PLCB1: variants seen among roughly 807,000 people sequenced by gnomAD.
PLCB1 encodes the protein phospholipase C beta 1.
In PLCB1, 46 loss-of-function variants were observed where a neutral mutation model predicts 161.8. The observed-to-expected ratio is 0.28, with a 90% confidence interval of 0.22 to 0.36. PLCB1 has a LOEUF of 0.36. Ranked by LOEUF, PLCB1 falls within the 10% of genes least tolerant of loss-of-function variation. PLCB1 has a pLI of 1.00. For synonymous variants in PLCB1, 517 were observed against 503.7 expected, an observed-to-expected ratio of 1.03 and a Z score of -0.35; for missense variants, 1,016 against 1,472.5, an observed-to-expected ratio of 0.69 and a Z score of 5.07.
intron 3 of PLCB1, among the ~76,000 whole-genome samples, chr20:8,400,334 A>G (rs775261738): frequency 6.6e-6 from 1 of 152,130 alleles, no homozygotes; most frequent in Non-Finnish European, 1.5e-5. Context: ...TTTTCTTACC[A>G]CTGATTACCA....
chr20:8,860,315 A>C (rs1440958506), intron 31 of PLCB1, among the ~76,000 whole-genome samples: 2 of 152,236 alleles, frequency 1.3e-5, no homozygotes, highest in Admixed American at 6.5e-5. Flanking sequence ...ACTGGCAATA[A>C]GTTCATTTCC....
At chr20:8,317,640 A>AC (rs1032987872) in intron 2 of PLCB1, among the ~76,000 whole-genome samples, 32 of 152,072 alleles carry the variant, frequency 2.1e-4, no homozygotes, top group African/African-American at 7.0e-4. Flanking sequence ...CCCAGTTTTG[A>AC]CCAGAATTGA....
intron 2 of PLCB1, among the ~76,000 whole-genome samples, chr20:8,198,313 G>T (rs566423133): frequency 6.6e-6 from 1 of 152,088 alleles, no homozygotes; most frequent in Admixed American, 6.6e-5. Flanking sequence ...TCTTCCATTT[G>T]TTTGTGTCCT....
chr20:8,863,126 C>T (rs1161759708), intron 31 of PLCB1, among the ~76,000 whole-genome samples: 2 of 152,144 alleles, frequency 1.3e-5, no homozygotes, highest in Non-Finnish European at 2.9e-5. Context: ...AGAAAGCAAG[C>T]TGTTGGAATT....
intron 2 of PLCB1, among the ~76,000 whole-genome samples, chr20:8,211,999 G>T (rs1229422054): frequency 6.6e-6 from 1 of 152,088 alleles, no homozygotes; most frequent in Non-Finnish European, 1.5e-5. Context: ...ATTAATTGAT[G>T]TTTGAATTAT....
chr20:8,293,549 C>A (rs1983481820), intron 2 of PLCB1, among the ~76,000 whole-genome samples: 1 of 151,834 alleles, frequency 6.6e-6, no homozygotes, highest in African/African-American at 2.4e-5. Flanking sequence ...AATGAATAAT[C>A]AAATGATTTC....
chr20:8,692,262 C>T (rs1990496210), intron 10 of PLCB1, among the ~76,000 whole-genome samples: 1 of 152,168 alleles, frequency 6.6e-6, no homozygotes, highest in South Asian at 2.1e-4. Flanking sequence ...CCTAGCTGTA[C>T]CCTTCCCAGT....
intron 3 of PLCB1, among the ~76,000 whole-genome samples, chr20:8,529,647 G>T (rs1984722161): frequency 6.6e-6 from 1 of 151,662 alleles, no homozygotes; most frequent in Non-Finnish European, 1.5e-5. Context: ...TAATATACAA[G>T]CATTGTACTG....
Position 8,254,578 on chromosome 20 carries a change from GCTTTT to G in PLCB1, c.177+104211_177+104215del, listed in dbSNP as rs571748909. 7.9e-3 allele frequency among the ~76,000 whole-genome samples: 1,204 copies of G among 151,886 alleles called. 17 individuals are homozygous for G. Among genetic ancestry groups the G allele is most frequent in the African/African-American group, 0.027 (1,128 of 41,462 alleles). ...GAGTGCTTAATCAAGAAAAAAAAAGGCTTTTCTTCATATAAAGGCTTATGTAATAT... is the reference window on the plus strand; with the variant it reads ...GAGTGCTTAATCAAGAAAAAAAAAGGCTTCATATAAAGGCTTATGTAATAT... On this transcript the variant is annotated intron_variant, in intron 2 of 31. Transcript: ENST00000338037.
At chr20:8,134,012 C>T (rs1012899601) in intron 1 of PLCB1, among the ~76,000 whole-genome samples, 1 of 152,190 alleles carries the variant, frequency 6.6e-6, no homozygotes, top group Admixed American at 6.5e-5. Flanking sequence ...GAAGCGCAAA[C>T]GGAACTTGGA....
At chr20:8,285,495 C>T (rs1346582992) in intron 2 of PLCB1, among the ~76,000 whole-genome samples, 1 of 152,072 alleles carries the variant, frequency 6.6e-6, no homozygotes, top group East Asian at 1.9e-4. Flanking sequence ...CCTATCTCAT[C>T]TCTTAACCTG....
intron 2 of PLCB1, among the ~76,000 whole-genome samples, chr20:8,268,472 G>T (rs1291254080): frequency 1.3e-5 from 2 of 152,110 alleles, no homozygotes; most frequent in African/African-American, 4.8e-5. Flanking sequence ...AATCTTTTGG[G>T]TATATACCCA....
At chr20:8,772,514 T>C (rs937280533) in intron 26 of PLCB1, among the ~76,000 whole-genome samples, 8 of 152,136 alleles carry the variant, frequency 5.3e-5, no homozygotes, top group African/African-American at 1.9e-4. Flanking sequence ...TATACCGACT[T>C]ACTCGGATAC....
chr20:8,495,547 G>T (rs1259293214), intron 3 of PLCB1, among the ~76,000 whole-genome samples: 1 of 135,710 alleles, frequency 7.4e-6, no homozygotes, highest in South Asian at 2.4e-4. Context: ...ACAGGCGCCC[G>T]CCACCATGGC....
intron 2 of PLCB1, among the ~76,000 whole-genome samples, chr20:8,171,629 A>G (rs1178192209): frequency 4.6e-5 from 7 of 152,192 alleles, no homozygotes. Context: ...AGGTTGTGTT[A>G]GGGATTACAT....
chr20:8,242,588 C>T (rs1476799522), intron 2 of PLCB1, among the ~76,000 whole-genome samples: 6 of 151,770 alleles, frequency 4.0e-5, no homozygotes, highest in Non-Finnish European at 7.4e-5. Flanking sequence ...AGAGGCTGAG[C>T]GCCAGAGGTG....
intron 10 of PLCB1, among the ~76,000 whole-genome samples, chr20:8,695,648 G>A (rs1024350676): frequency 1.3e-5 from 2 of 152,132 alleles, no homozygotes; most frequent in East Asian, 1.9e-4. Flanking sequence ...GCTTCAGTGA[G>A]CTATGATCAC....
At chr20:8,340,217 C>T (rs1985748467) in intron 2 of PLCB1, among the ~76,000 whole-genome samples, 1 of 152,134 alleles carries the variant, frequency 6.6e-6, no homozygotes, top group African/African-American at 2.4e-5. Flanking sequence ...ATCCTCAAAC[C>T]GTTACTCTGA....
intron 1 of PLCB1, among the ~76,000 whole-genome samples, chr20:8,136,344 CG>C (rs1269173277): frequency 6.6e-6 from 1 of 152,094 alleles, no homozygotes; most frequent in Non-Finnish European, 1.5e-5. Flanking sequence ...AAGTTATTGT[CG>C]GCCGGGCGCG....
Sources: allele counts gnomAD v4.1 joint callset (sites outside exome capture counted in the v4.1 genomes callset), GRCh38; gene constraint gnomAD v4.1.1; transcripts MANE v1.5; gene names NCBI Gene and HGNC (gene_info 2026-07-23, HGNC 2026-07-21).